Variants in PCDHA8 observed in about 807,000 individuals in gnomAD.
The protein encoded by PCDHA8 is protocadherin alpha 8.
A neutral mutation model predicts 61.8 loss-of-function variants in PCDHA8; 53 were observed. That is an observed-to-expected ratio of 0.86 (90% CI 0.69 to 1.08). The LOEUF is 1.08. PCDHA8 is among the 50% of genes least tolerant of loss of function. The pLI is 0.00. For missense variants in PCDHA8, 1,293 were observed against 1,245.0 expected (o/e 1.04, Z -0.58); for synonymous variants, 618 against 556.6 (o/e 1.11, Z -1.55).
chr5:140,848,734 A>G lies in PCDHA8; in HGVS notation c.2394+5019A>G, dbSNP rs199690069. The G allele has an allele frequency of 6.3e-7, 1 of 1,592,886 alleles. No homozygotes were observed. Among genetic ancestry groups the G allele is most frequent in the Non-Finnish European group, 8.6e-7 (1 of 1,163,642 alleles). The stretch of plus-strand genomic sequence containing the variant: ...GGGGACCTTCTGGAGGTAAATCTGC[A>G]GAATGGCATTTTGTTTGTGAATTCT... On this transcript the variant is annotated intron_variant, in intron 1 of 3. Transcript: ENST00000531613.
intron 3 of PCDHA8, among the ~76,000 whole-genome samples, chr5:141,005,494 G>A (rs1554260099): frequency 2.0e-5 from 3 of 151,700 alleles, no homozygotes; most frequent in Non-Finnish European, 2.9e-5. Flanking sequence ...ATGAGGTCAG[G>A]AGATCGAGAC....
intron 1 of PCDHA8, among the ~76,000 whole-genome samples, chr5:140,938,890 C>T (rs979482011): frequency 5.9e-5 from 9 of 152,080 alleles, no homozygotes; most frequent in Non-Finnish European, 8.8e-5. Flanking sequence ...CACACACACA[C>T]AGATGCGCAC....
chr5:140,916,367 C>G (rs1400347792), intron 1 of PCDHA8, among the ~76,000 whole-genome samples: 1 of 152,196 alleles, frequency 6.6e-6, no homozygotes, highest in Non-Finnish European at 1.5e-5. Flanking sequence ...GAGTCTTTCA[C>G]TGTAGCCACC....
At chr5:140,863,655 G>T in intron 1 of PCDHA8, 1 of 295,936 alleles carries the variant, frequency 3.4e-6, no homozygotes, top group Non-Finnish European at 6.6e-6. Context: ...TAATTTGATT[G>T]CTTTATTTAT....
chr5:140,876,899 C>G (rs781884794), intron 1 of PCDHA8: 1 of 1,614,092 alleles, frequency 6.2e-7, no homozygotes, highest in South Asian at 1.1e-5. Context: ...CACATCTTCA[C>G]GGTGTCGGCA....
At chr5:140,871,735 A>T in intron 1 of PCDHA8, 1 of 686,792 alleles carries the variant, frequency 1.5e-6, no homozygotes, top group Non-Finnish European at 2.3e-6. Context: ...TTTGGTTAGC[A>T]AATCCTAAAA....
chr5:140,950,809 A>G (rs1554219635), intron 1 of PCDHA8, among the ~76,000 whole-genome samples: 1 of 152,102 alleles, frequency 6.6e-6, no homozygotes, highest in African/African-American at 2.4e-5. Context: ...GTTTTACCAT[A>G]GTAGGGTTAA....
At chr5:140,934,695 T>G (rs155824) in intron 1 of PCDHA8, among the ~76,000 whole-genome samples, 48,210 of 151,950 alleles carry the variant, frequency 0.32, 7,985 homozygotes, top group East Asian at 0.53. Flanking sequence ...ATGAATTGAT[T>G]CCTGGCCATC....
intron 1 of PCDHA8, among the ~76,000 whole-genome samples, chr5:140,943,845 C>A (rs59104695): frequency 3.3e-5 from 5 of 152,226 alleles, no homozygotes; most frequent in Admixed American, 1.3e-4. Flanking sequence ...TGTAAGATGT[C>A]ACAGAAGTCA....
At chr5:140,848,690 G>A in intron 1 of PCDHA8, 8 of 1,592,462 alleles carry the variant, frequency 5.0e-6, no homozygotes, top group Non-Finnish European at 6.9e-6. Flanking sequence ...GCCTGTTCCA[G>A]TTGGATTCCA....
chr5:140,999,295 T>G (rs1554256739), intron 3 of PCDHA8, among the ~76,000 whole-genome samples: 1 of 152,238 alleles, frequency 6.6e-6, no homozygotes, highest in Non-Finnish European at 1.5e-5. Context: ...ATTCTTTATT[T>G]CAGAATTTCT....
chr5:140,952,417 C>T (rs2153696080), intron 1 of PCDHA8, among the ~76,000 whole-genome samples: 1 of 152,190 alleles, frequency 6.6e-6, no homozygotes, highest in Non-Finnish European at 1.5e-5. Flanking sequence ...TAATGTTCCG[C>T]AGATTCCTAC....
intron 3 of PCDHA8, among the ~76,000 whole-genome samples, chr5:140,998,018 G>A (rs575495303): frequency 2.0e-5 from 3 of 152,170 alleles, no homozygotes; most frequent in Admixed American, 6.5e-5. Flanking sequence ...TCCCCACCTC[G>A]AGCTAGTGCT....
intron 3 of PCDHA8, among the ~76,000 whole-genome samples, chr5:140,988,127 C>T (rs1285717954): frequency 2.0e-5 from 3 of 152,120 alleles, no homozygotes; most frequent in African/African-American, 7.2e-5. Flanking sequence ...GCATGCTGTT[C>T]CACTAACCTG....
At chr5:140,850,261 T>C (rs2150476326) in intron 1 of PCDHA8, 3 of 1,592,442 alleles carry the variant, frequency 1.9e-6, no homozygotes, top group African/African-American at 1.4e-5. Flanking sequence ...GGCGCCGGCG[T>C]AGTGGTGGGG....
intron 1 of PCDHA8, chr5:140,927,277 G>A (rs1554204290): frequency 6.2e-7 from 1 of 1,614,016 alleles, no homozygotes; most frequent in Non-Finnish European, 8.5e-7. Context: ...TGCCGGCGAC[G>A]TGCAGCTGCA....
intron 1 of PCDHA8, among the ~76,000 whole-genome samples, chr5:140,941,214 C>CTTTTT (rs1554214039): frequency 1.2e-4 from 15 of 122,492 alleles, no homozygotes; most frequent in African/African-American, 4.3e-4. Context: ...TTTCTTTCTT[C>CTTTTT]CTTTCTTTCT....
chr5:140,843,417 A>G lies in PCDHA8; in HGVS notation c.2096A>G (p.Tyr699Cys). The G allele has an allele frequency of 6.3e-7, 1 of 1,595,970 alleles. No homozygotes were observed. Among genetic ancestry groups the G allele is most frequent in the South Asian group, 1.1e-5 (1 of 90,506 alleles). The change falls in exon 1 of 4, where the codon TAC becomes TGC. Residue 699 changes from tyrosine (Y) to cysteine (C), a missense_variant. By Grantham distance (194) the Tyr-to-Cys change is radical (BLOSUM62 -2). Coordinates refer to ENST00000531613, the MANE Select transcript of PCDHA8 (RefSeq NM_018911.3). ...GCGGCGCTGGTGGATGTCAACGTGT[A>G]CCTGATCATCGCCATCTGCGCGGTA... ...PEAALVDVNV[Y>C]LIIAICAVSS...
intron 1 of PCDHA8, chr5:140,860,111 A>T (rs1337460322): frequency 6.6e-6 from 1 of 151,186 alleles, no homozygotes; most frequent in African/African-American, 2.4e-5. Context: ...CGACATAGGG[A>T]TATCTTGTAC....
Sources: gnomAD v4.1 joint callset for allele counts (sites outside exome capture counted in the v4.1 genomes callset) on GRCh38, gnomAD v4.1.1 for gene constraint, MANE v1.5 for transcripts, NCBI Gene and HGNC (gene_info 2026-07-23, HGNC 2026-07-21) for gene names.